Variants in RBBP8 observed in about 807,000 individuals in gnomAD.
The protein encoded by RBBP8 is DNA endonuclease RBBP8.
RBBP8 carries 88 observed loss-of-function variants against 108.3 expected under a neutral mutation model. That is an observed-to-expected ratio of 0.81 (90% confidence interval 0.68 to 0.97). The LOEUF is 0.97. RBBP8 is among the 50% of genes least tolerant of loss of function. RBBP8 has a pLI of 0.00. For synonymous variants in RBBP8, 332 were observed against 348.2 expected, an observed-to-expected ratio of 0.95 and a Z score of 0.52; for missense variants, 1,023 against 1,049.0, an observed-to-expected ratio of 0.98 and a Z score of 0.34.
intron 4 of RBBP8, among the ~76,000 whole-genome samples, chr18:22,962,535 C>A (rs143989029): frequency 6.6e-6 from 1 of 151,996 alleles, no homozygotes; most frequent in Admixed American, 6.6e-5. Context: ...TCCCAAAGCA[C>A]GTATCACCTT....
At chr18:22,995,594 T>C (rs757858098) in intron 12 of RBBP8, among the ~76,000 whole-genome samples, 1 of 152,220 alleles carries the variant, frequency 6.6e-6, no homozygotes, top group African/African-American at 2.4e-5. Flanking sequence ...CTAGGCACCT[T>C]AAATCTACTT....
intron 2 of RBBP8, among the ~76,000 whole-genome samples, chr18:22,937,743 G>T (rs1910700585): frequency 6.6e-6 from 1 of 151,784 alleles, no homozygotes; most frequent in African/African-American, 2.4e-5. Context: ...CTCCCAAAGT[G>T]GTGGGATTAC....
intron 16 of RBBP8, among the ~76,000 whole-genome samples, chr18:23,009,527 A>T (rs114636233): frequency 0.067 from 9,957 of 148,158 alleles, 377 homozygotes; most frequent in Middle Eastern, 0.12. Context: ...AATGTATTTT[A>T]TATATATATA....
At chr18:23,022,659 A>AAAATAAAATAAAATAAAAT (rs2046384264) in intron 18 of RBBP8, among the ~76,000 whole-genome samples, 1 of 71,794 alleles carries the variant, frequency 1.4e-5, no homozygotes, top group Non-Finnish European at 4.1e-5. Context: ...AATATAAAAT[A>AAAATAAAATAAAATAAAAT]AAATAAAATA....
Position 22,919,388 on chromosome 18 carries a change from G to A in RBBP8, c.-154+2362G>A, listed in dbSNP as rs181678386. Among the ~76,000 whole-genome samples the A allele has an allele frequency of 7.7e-4, 118 of 152,264 alleles. 1 individual carries two copies. Among genetic ancestry groups the A allele is most frequent in the Non-Finnish European group, 9.4e-4 (64 of 68,010 alleles). The stretch of plus-strand genomic sequence containing the variant: ...CTCTTGTAATCAACTTTAATTTCCT[G>A]AAAGATGTTTAATCGCTTTACAAAA... On this transcript the variant is annotated intron_variant, in intron 3 of 4. Coordinates refer to the RBBP8 transcript ENST00000577588.
At chr18:22,973,222 GC>G (rs1192542270) in intron 5 of RBBP8, among the ~76,000 whole-genome samples, 1 of 151,892 alleles carries the variant, frequency 6.6e-6, no homozygotes, top group Admixed American at 6.6e-5. Context: ...TTTTTTAAAG[GC>G]CCTTTTTCAT....
At chr18:22,989,153 G>A (rs561408932) in intron 8 of RBBP8, 68 bp from the exon 9 acceptor site, 1 of 1,096,882 alleles carries the variant, frequency 9.1e-7, no homozygotes, top group East Asian at 2.7e-5. Flanking sequence ...ATTTTAATGT[G>A]TCTAGCTTCT....
intron 2 of RBBP8, among the ~76,000 whole-genome samples, chr18:22,945,276 A>G (rs1911452183): frequency 6.6e-6 from 1 of 152,226 alleles, no homozygotes; most frequent in Non-Finnish European, 1.5e-5. Flanking sequence ...TGGGGAGCAT[A>G]GAGAAAATAG....
chr18:22,974,635 T>C (rs1183805599), intron 5 of RBBP8, among the ~76,000 whole-genome samples: 1 of 152,164 alleles, frequency 6.6e-6, no homozygotes, highest in Non-Finnish European at 1.5e-5. Flanking sequence ...GATTTTTGTG[T>C]TTTTAGTGGA....
intron 16 of RBBP8, among the ~76,000 whole-genome samples, chr18:23,007,079 G>T (rs1204915069): frequency 6.7e-6 from 1 of 149,022 alleles, no homozygotes; most frequent in Admixed American, 6.7e-5. Context: ...GGAGTACAGT[G>T]GCGCAATCTC....
intron 3 of RBBP8, among the ~76,000 whole-genome samples, chr18:22,921,951 C>T (rs1342362619): frequency 6.6e-6 from 1 of 152,134 alleles, no homozygotes; most frequent in Non-Finnish European, 1.5e-5. Flanking sequence ...ATTGGACCCT[C>T]GAGTAACACT....
At chr18:22,982,011 T>C (rs1370795812) in intron 6 of RBBP8, among the ~76,000 whole-genome samples, 19 of 152,228 alleles carry the variant, frequency 1.2e-4, no homozygotes, top group Admixed American at 1.2e-3. Flanking sequence ...TGCTATTGAC[T>C]ATACTTTCTA....
At chr18:23,026,069 A>T (rs1158510301) in intron 18 of RBBP8, 74 bp from the exon 19 acceptor site, 1 of 1,153,704 alleles carries the variant, frequency 8.7e-7, no homozygotes, top group Non-Finnish European at 1.3e-6. Flanking sequence ...AATAAGAGAA[A>T]TGTTTACTAG....
intron 16 of RBBP8, among the ~76,000 whole-genome samples, chr18:23,015,560 AT>A (rs72088603): frequency 0.17 from 25,281 of 147,924 alleles, 2,768 homozygotes; most frequent in African/African-American, 0.33. Flanking sequence ...CATTTCCCGT[AT>A]TTTTTTTTTC....
chr18:22,914,504 C>A (rs562473957), intron 1 of RBBP8, among the ~76,000 whole-genome samples: 59 of 152,200 alleles, frequency 3.9e-4, no homozygotes, highest in Middle Eastern at 3.4e-3. Flanking sequence ...ATATAATATT[C>A]TCTTACTATG....
chr18:22,990,246 G>T (rs78167566), intron 9 of RBBP8, among the ~76,000 whole-genome samples: 4,917 of 152,226 alleles, frequency 0.032, 153 homozygotes, highest in East Asian at 0.081. Flanking sequence ...ATCTGCATCA[G>T]TTTTGAAGTT....
In RBBP8 at chr18:23,022,237, G is replaced by C. The variant is rs776152673; in HGVS notation, c.2563G>C (p.Gly855Arg). 1.5e-5 allele frequency: 24 copies of C among 1,612,420 alleles called. No individual in the cohort carries two copies. Among genetic ancestry groups the C allele is most frequent in the Non-Finnish European group, 2.0e-5 (24 of 1,178,626 alleles). ...CACACCAGAGAATTTTTGGGAAGTTGGTTTTCCTTCCACTCAGACTTGTAT... is the reference window on the plus strand; with the variant it reads ...CACACCAGAGAATTTTTGGGAAGTTCGTTTTCCTTCCACTCAGACTTGTAT... ...PNTPENFWEV[G>R]FPSTQTCMER... Residue 855 changes from glycine (G) to arginine (R), a missense_variant, in exon 18 of 19, where the codon GGT becomes CGT. Transcript: ENST00000327155.
chr18:22,962,769 T>C (rs1270448646), intron 4 of RBBP8, among the ~76,000 whole-genome samples: 2 of 151,254 alleles, frequency 1.3e-5, no homozygotes, highest in Non-Finnish European at 2.9e-5. Flanking sequence ...AGCTAATTTT[T>C]CTGATATTTT....
intron 3 of RBBP8, among the ~76,000 whole-genome samples, chr18:22,923,106 C>A (rs1477710884): frequency 6.6e-6 from 1 of 152,156 alleles, no homozygotes; most frequent in Admixed American, 6.5e-5. Context: ...CTACCGTTAA[C>A]AACAGTTTCT....
Sources: gnomAD v4.1 joint callset for allele counts (sites outside exome capture counted in the v4.1 genomes callset) on GRCh38, gnomAD v4.1.1 for gene constraint, MANE v1.5 for transcripts, NCBI Gene and HGNC (gene_info 2026-07-23, HGNC 2026-07-21) for gene names.